The following CHPT1 variants were observed in gnomAD, a reference collection of about 807,000 sequenced individuals.
CHPT1 encodes cholinephosphotransferase 1.
CHPT1 carries 36 observed loss-of-function variants against 47.6 expected under a neutral mutation model. The observed-to-expected ratio is 0.76, with a 90% confidence interval of 0.58 to 1.00. The LOEUF (loss-of-function observed/expected upper bound fraction) is 1.00. Ranked by LOEUF, CHPT1 falls within the 50% of genes least tolerant of loss-of-function variation. The pLI is 0.00. For missense variants in CHPT1, 458 were observed against 498.1 expected, an observed-to-expected ratio of 0.92 and a Z score of 0.77; for synonymous variants, 194 against 186.3, an observed-to-expected ratio of 1.04 and a Z score of -0.33.
chr12:101,716,519 T>C (rs1253225088), intron 3 of CHPT1, among the ~76,000 whole-genome samples: 1 of 152,220 alleles, frequency 6.6e-6, no homozygotes, highest in African/African-American at 2.4e-5. Flanking sequence ...CCTCTGCATA[T>C]ACCGTTACCT....
At chr12:101,723,932 C>A in intron 7 of CHPT1, 85 bp downstream of exon 7, 1 of 1,042,560 alleles carries the variant, frequency 9.6e-7, no homozygotes, top group Non-Finnish European at 1.4e-6. Context: ...AAGATCTAGT[C>A]TAGGCCAGGC....
chr12:101,727,727 T>TAATA lies in CHPT1; in HGVS notation c.1177-1172_1177-1169dup, dbSNP rs1951995983. 1.3e-5 allele frequency: 2 copies of TAATA among 152,198 alleles called. 1 individual carries two copies. The highest frequency in any genetic ancestry group is 4.1e-4 in the South Asian group (2 of 4,836). The allele number at this position is 152,198 out of a possible 1,614,324, so 9.4% of individuals were successfully genotyped here. ...TGAATAGTACTTATGATTTATATTC[T>TAATA]AATAATATATACTTTGGCTTAAAAG... On this transcript the variant is annotated intron_variant, in intron 8 of 8. Transcript: ENST00000229266.
intron 5 of CHPT1, among the ~76,000 whole-genome samples, chr12:101,722,545 T>G (rs770764684): frequency 5.3e-5 from 8 of 151,680 alleles, no homozygotes; most frequent in Non-Finnish European, 1.2e-4. Flanking sequence ...GAGGTGGGGA[T>G]GTTGGTGTAG....
intron 2 of CHPT1, 33 bp from the exon 3 acceptor site, chr12:101,714,471 T>G (rs1951736018): frequency 1.3e-6 from 2 of 1,552,448 alleles, no homozygotes; most frequent in African/African-American, 2.8e-5. Context: ...TTATTTTTAA[T>G]TCTTAATGAT....
chr12:101,723,636 T>C (rs555795326), intron 6 of CHPT1, 86 bp from the exon 7 acceptor site: 3 of 857,198 alleles, frequency 3.5e-6, no homozygotes, highest in African/African-American at 3.5e-5. Context: ...GTTTTAATAC[T>C]GAATTAAAGT....
intron 7 of CHPT1, 25 bp from the exon 8 acceptor site, chr12:101,726,269 T>C (rs1232464914): frequency 6.8e-7 from 1 of 1,471,690 alleles, no homozygotes; most frequent in African/African-American, 1.4e-5. Context: ...TAATCGATTT[T>C]ATATTTTCTT....
intron 1 of CHPT1, among the ~76,000 whole-genome samples, chr12:101,706,147 T>C (rs1468326239): frequency 1.3e-5 from 2 of 151,608 alleles, no homozygotes; most frequent in Admixed American, 1.3e-4. Flanking sequence ...GTCAGGAGTT[T>C]GAGACCAGCC....
At chr12:101,714,729 G>T in intron 3 of CHPT1, 84 bp downstream of exon 3, 1 of 1,367,548 alleles carries the variant, frequency 7.3e-7, no homozygotes, top group Non-Finnish European at 9.7e-7. Flanking sequence ...CGATAATAAG[G>T]AGAACAAATC....
chr12:101,706,898 A>T (rs1951642416), intron 1 of CHPT1, among the ~76,000 whole-genome samples: 1 of 152,228 alleles, frequency 6.6e-6, no homozygotes, highest in Non-Finnish European at 1.5e-5. Context: ...AAATCAAGGA[A>T]ACTAGACAAC....
At chr12:101,707,831 T>G (rs1298213506) in intron 1 of CHPT1, among the ~76,000 whole-genome samples, 1 of 152,156 alleles carries the variant, frequency 6.6e-6, no homozygotes, top group Non-Finnish European at 1.5e-5. Flanking sequence ...GAGAAGTAGA[T>G]GCCTCCTCTC....
At position 101,728,961 on chromosome 12, in the gene CHPT1, C is replaced by T. The variant is rs1952057221; in HGVS notation, c.*16C>T. 6.2e-7 allele frequency: 1 copy of T among 1,613,542 alleles called. No homozygotes were observed. The highest frequency in any genetic ancestry group is 8.5e-7 in the Non-Finnish European group (1 of 1,179,700). On this transcript the variant is annotated 3_prime_UTR_variant, in exon 9 of 9. Transcript: ENST00000229266. ...CATGGATTGAAGAGACTTCCGAACA[C>T]TTGCTATCTCTTGCTGCTGCTGTTT...
At chr12:101,702,022 C>T (rs1951560924) in intron 1 of CHPT1, among the ~76,000 whole-genome samples, 1 of 152,026 alleles carries the variant, frequency 6.6e-6, no homozygotes, top group South Asian at 2.1e-4. Flanking sequence ...GAACATCACC[C>T]TAAGTAGGTA....
intron 2 of CHPT1, 99 bp from the exon 3 acceptor site, chr12:101,714,405 G>T: frequency 8.3e-7 from 1 of 1,201,202 alleles, no homozygotes; most frequent in Non-Finnish European, 1.1e-6. Context: ...TTAATGCCAT[G>T]ATTATTTCCT....
Position 101,723,167 on chromosome 12 carries a change from G to C in CHPT1, c.781-1G>C. On this transcript the variant is annotated splice_acceptor_variant, in intron 5 of 8. Transcript: ENST00000229266. LOFTEE classifies it high-confidence loss of function. ...TACTGATTTTCTGCTTTATCCCTTA[G>C]GGCACCAGTGTCTTGTCACCTGGAC... 1 of 1,610,506 alleles carries C rather than the reference G, an allele frequency of 6.2e-7. No individual in the cohort carries two copies.
chr12:101,718,664 T>TA (rs869226936), intron 4 of CHPT1, among the ~76,000 whole-genome samples: 1,499 of 129,028 alleles, frequency 0.012, 22 homozygotes, highest in African/African-American at 0.034. Flanking sequence ...ACCCCATCTT[T>TA]AAAAAAAAAA....
intron 1 of CHPT1, among the ~76,000 whole-genome samples, chr12:101,702,349 C>A (rs1041281709): frequency 6.6e-6 from 1 of 152,150 alleles, no homozygotes; most frequent in Non-Finnish European, 1.5e-5. Flanking sequence ...ATGGCAGGGA[C>A]AAGTGCCTAG....
chr12:101,711,202 G>C (rs955456895), intron 1 of CHPT1, among the ~76,000 whole-genome samples: 5 of 148,586 alleles, frequency 3.4e-5, no homozygotes, highest in African/African-American at 1.2e-4. Context: ...CAAAGGAAAT[G>C]AAATCATCGC....
chr12:101,728,343 A>G (rs762139010), intron 8 of CHPT1: 6 of 152,046 alleles, frequency 3.9e-5, no homozygotes, highest in Admixed American at 1.3e-4. Context: ...ACCAAGCCCA[A>G]TGAAGTGACA....
At position 101,698,078 on chromosome 12, in the gene CHPT1, G is replaced by T. The variant is rs775193490; in HGVS notation, c.217G>T (p.Val73Phe). The T allele has an allele frequency of 6.4e-7, 1 of 1,566,546 alleles. No homozygotes were observed. The highest frequency in any genetic ancestry group is 8.6e-7 in the Non-Finnish European group (1 of 1,164,658). Residue 73 changes from valine (V) to phenylalanine (F), a missense_variant, in exon 1 of 9, where the codon GTC (valine) becomes TTC (phenylalanine). Physicochemically the swap from Val to Phe is conservative, Grantham distance 50. Coordinates refer to ENST00000229266, the MANE Select transcript of CHPT1 (RefSeq NM_020244.3). The part of the protein sequence containing the change: ...PNSITLLGLA[V>F]NVVTTLVLIS... The stretch of plus-strand genomic sequence containing the variant: ...CTCCATCACCCTGCTGGGGCTCGCC[G>T]TCAACGTGGTCACCACGCTCGTGCT...
Sources: allele counts gnomAD v4.1 joint callset (sites outside exome capture counted in the v4.1 genomes callset), GRCh38; gene constraint gnomAD v4.1.1; transcripts MANE v1.5; gene names NCBI Gene and HGNC (gene_info 2026-07-23, HGNC 2026-07-21).